Variants in SERPINA1 observed in about 807,000 individuals in gnomAD.
SERPINA1 encodes serpin family A member 1.
In SERPINA1, 21 loss-of-function variants were observed where a neutral mutation model predicts 25.4. That is an observed-to-expected ratio of 0.83 (90% confidence interval 0.59 to 1.19). SERPINA1 has a LOEUF of 1.19. SERPINA1 is among the 50% of genes most tolerant of loss of function. The pLI is 0.00. For missense variants in SERPINA1, 546 were observed against 509.0 expected (o/e 1.07, Z -0.70); for synonymous variants, 218 against 211.1 (o/e 1.03, Z -0.29).
chr14:94,388,280 C>T (rs185367141), intron 1 of SERPINA1, among the ~76,000 whole-genome samples: 1 of 152,296 alleles, frequency 6.6e-6, no homozygotes, highest in African/African-American at 2.4e-5. Context: ...GCCAGGACTG[C>T]AGACCTAGAC....
In SERPINA1 at chr14:94,382,836, G is replaced by T. The variant is rs1897032865; in HGVS notation, c.402C>A (p.Leu134=). 1 of 1,614,020 alleles carries T rather than the reference G, an allele frequency of 6.2e-7. No homozygotes were observed. The highest frequency in any genetic ancestry group is 1.1e-5 in the South Asian group (1 of 91,088). Residue 134 remains leucine, a synonymous_variant, in exon 2 of 5, where the codon CTC becomes CTA. Coordinates refer to ENST00000393087, the MANE Select transcript of SERPINA1 (RefSeq NM_000295.5). ...ACAGGCCATTGCCGGTGGTCAGCTG[G>T]AGCTGGCTGTCTGGCTGGTTGAGGG... is the stretch of plus-strand genomic sequence containing the variant. ...LRTLNQPDSQ[L]QLTTGNGLFL...
Position 94,383,091 on chromosome 14 carries a change from C to T in SERPINA1, c.147G>A (p.Lys49=). Residue 49 remains lysine (K), a synonymous_variant, in exon 2 of 5, where the codon AAG becomes AAA. Transcript: ENST00000393087. ...CGAACTCAGCCAGGTTGGGGGTGATCTTGTTGAAGGTTGGGTGATCCTGAT... is the reference window on the plus strand; with the variant it reads ...CGAACTCAGCCAGGTTGGGGGTGATTTTGTTGAAGGTTGGGTGATCCTGAT... ...HHDQDHPTFN[K]ITPNLAEFAF... The T allele has an allele frequency of 6.2e-7, 1 of 1,614,216 alleles. No individual in the cohort carries two copies. Among genetic ancestry groups the T allele is most frequent in the Non-Finnish European group, 8.5e-7 (1 of 1,180,036 alleles).
At chr14:94,388,137 A>G (rs1897405505) in intron 1 of SERPINA1, among the ~76,000 whole-genome samples, 1 of 152,122 alleles carries the variant, frequency 6.6e-6, no homozygotes, top group Non-Finnish European at 1.5e-5. Context: ...CCCAAGCAGT[A>G]GGAGAGGTGG....
At position 94,378,030 on chromosome 14, in the gene SERPINA1, G is replaced by A; in HGVS notation, c.*419C>T. 4.7e-6 allele frequency: 1 copy of A among 211,194 alleles called. No individual in the cohort carries two copies. Among genetic ancestry groups the A allele is most frequent in the Admixed American group, 5.3e-5 (1 of 18,938 alleles). 13.1% of individuals were successfully genotyped at this position (211,194 alleles called of 1,614,324 possible). On this transcript the variant is annotated 3_prime_UTR_variant, in exon 5 of 5. Transcript: ENST00000393087. Reference sequence around the variant, plus strand: ...CCTGGCAGGATGAGCAACTCTGGGTGGGGGGGAGTGGGGGATGAGCAGGGG... The same window carrying A: ...CCTGGCAGGATGAGCAACTCTGGGTAGGGGGGAGTGGGGGATGAGCAGGGG...
At chr14:94,382,351 T>G (rs762022370) in intron 2 of SERPINA1, among the ~76,000 whole-genome samples, 6 of 152,232 alleles carry the variant, frequency 3.9e-5, no homozygotes, top group Non-Finnish European at 7.3e-5. Flanking sequence ...ACAAGGACAT[T>G]AAAGGCTCTG....
chr14:94,388,379 C>A (rs1897432774), intron 1 of SERPINA1, among the ~76,000 whole-genome samples, 181 bp downstream of exon 1: 1 of 152,104 alleles, frequency 6.6e-6, no homozygotes, highest in Non-Finnish European at 1.5e-5. Flanking sequence ...CAGGACACAA[C>A]CCTCATGGCT....
chr14:94,383,155 TG>T lies in SERPINA1; in HGVS notation c.82del (p.Gln28ArgfsTer52). On this transcript the variant is annotated frameshift_variant, in exon 2 of 5. Coordinates refer to ENST00000393087, the MANE Select transcript of SERPINA1 (RefSeq NM_000295.5). LOFTEE classifies it high-confidence loss of function. ...LVPVSLAEDP[Q>X]GDAAQKTDTS... ...ATCTGTCTTCTGGGCAGCATCTCCCTGGGGATCCTCAGCCAGGGAGACAGGG... is the reference window on the plus strand; with the variant it reads ...ATCTGTCTTCTGGGCAGCATCTCCCTGGGATCCTCAGCCAGGGAGACAGGG... The T allele has an allele frequency of 1.9e-6, 3 of 1,614,208 alleles. No homozygotes were observed. The highest frequency in any genetic ancestry group is 1.6e-4 in the Middle Eastern group (1 of 6,062).
intron 1 of SERPINA1, 125 bp from the exon 2 acceptor site, chr14:94,383,366 C>G (rs561847412): frequency 6.2e-6 from 6 of 964,350 alleles, no homozygotes; most frequent in Non-Finnish European, 9.4e-6. Context: ...AAGTACTTGC[C>G]GACATCAGTA....
At chr14:94,379,336 C>A (rs560933385) in intron 4 of SERPINA1, 128 bp downstream of exon 4, 13 of 1,372,476 alleles carry the variant, frequency 9.5e-6, no homozygotes, top group Non-Finnish European at 1.3e-5. Context: ...CGGGCATCTT[C>A]AGGAGCTCAG....
At chr14:94,384,336 T>C (rs1454551468) in intron 1 of SERPINA1, among the ~76,000 whole-genome samples, 2 of 152,110 alleles carry the variant, frequency 1.3e-5, no homozygotes, top group Admixed American at 1.3e-4. Flanking sequence ...AAACCTTACA[T>C]CAAAAGGATC....
At position 94,379,457 on chromosome 14, in the gene SERPINA1, A is replaced by T; in HGVS notation, c.1065+7T>A. ...AGGGTGCAACAAGGTCGTCAGGGTG[A>T]TCTCACCTTGGAGAGCTTCAGGGGT... On this transcript the variant is annotated splice_region_variant and intron_variant, in intron 4 of 4. Coordinates refer to ENST00000393087, the MANE Select transcript of SERPINA1 (RefSeq NM_000295.5). The T allele has an allele frequency of 6.2e-7, 1 of 1,614,068 alleles. No individual in the cohort carries two copies. Among genetic ancestry groups the T allele is most frequent in the South Asian group, 1.1e-5 (1 of 91,076 alleles).
At chr14:94,381,978 C>T (rs778792472) in intron 2 of SERPINA1, among the ~76,000 whole-genome samples, 3 of 152,202 alleles carry the variant, frequency 2.0e-5, no homozygotes, top group Non-Finnish European at 2.9e-5. Flanking sequence ...GGCATTTTAA[C>T]CCCTCAGGGG....
In SERPINA1 at chr14:94,378,208, C is replaced by A. The variant is rs111978668; in HGVS notation, c.*241G>T. ...TCCGTAAGCTGAGGATTCAGTCCCCCCTGGATTCAAGCCCAGCATGTGCCT... is the reference window on the plus strand; with the variant it reads ...TCCGTAAGCTGAGGATTCAGTCCCCACTGGATTCAAGCCCAGCATGTGCCT... On this transcript the variant is annotated 3_prime_UTR_variant, in exon 5 of 5. Transcript: ENST00000393087. 5.1e-6 allele frequency: 3 copies of A among 586,634 alleles called. No homozygotes were observed. Among genetic ancestry groups the A allele is most frequent in the Non-Finnish European group, 9.1e-6 (3 of 330,236 alleles). The allele number at this position is 586,634 out of a possible 1,614,324, so 36.3% of individuals were successfully genotyped here. A position where few individuals can be genotyped will look rare whatever the true frequency, so the allele number is the denominator to read the frequency against.
chr14:94,388,745 C>T (rs180723265), upstream of SERPINA1: 14 of 152,400 alleles, frequency 9.2e-5, no homozygotes, highest in Non-Finnish European at 1.8e-4. Flanking sequence ...CTGAGTCGCC[C>T]GCCTACGCTG....
chr14:94,378,729 T>G, intron 4 of SERPINA1, 89 bp from the exon 5 acceptor site: 1 of 1,437,586 alleles, frequency 7.0e-7, no homozygotes, highest in South Asian at 1.2e-5. Context: ...AAGCGCTCAC[T>G]CCCCCTGGAC....
intron 1 of SERPINA1, among the ~76,000 whole-genome samples, chr14:94,386,548 A>G (rs935693912): frequency 6.6e-6 from 1 of 152,148 alleles, no homozygotes; most frequent in African/African-American, 2.4e-5. Context: ...TACAATGGAG[A>G]AAAGAATCCT....
chr14:94,387,425 C>T (rs1897354478), intron 1 of SERPINA1, among the ~76,000 whole-genome samples: 1 of 152,230 alleles, frequency 6.6e-6, no homozygotes, highest in Non-Finnish European at 1.5e-5. Context: ...AGGAAACTGG[C>T]CACCTTGGCC....
intron 4 of SERPINA1, 83 bp from the exon 5 acceptor site, chr14:94,378,723 GCT>G: frequency 7.2e-7 from 1 of 1,397,050 alleles, no homozygotes; most frequent in Non-Finnish European, 9.7e-7. Flanking sequence ...CCCAGGAAGC[GCT>G]CACTCCCCCT....
At position 94,379,284 on chromosome 14, in the gene SERPINA1, G is replaced by A. The variant is rs145944908; in HGVS notation, c.1065+180C>T. 2.9e-5 allele frequency: 25 copies of A among 872,624 alleles called. No individual in the cohort carries two copies. The African/African-American group carries it at 3.6e-4, about 13-fold the overall frequency. The allele number at this position is 872,624 out of a possible 1,614,324, so 54.1% of individuals were successfully genotyped here. A position where few individuals can be genotyped will look rare whatever the true frequency, so the allele number is the denominator to read the frequency against. On this transcript the variant is annotated intron_variant, in intron 4 of 4. Transcript: ENST00000393087. ...AGTGCCAGCTGCACAGCAGTCCCCTGCCTGGCTTTGCTGTTTGACCACGTC... is the reference window on the plus strand; with the variant it reads ...AGTGCCAGCTGCACAGCAGTCCCCTACCTGGCTTTGCTGTTTGACCACGTC...
Sources: allele counts gnomAD v4.1 joint callset (sites outside exome capture counted in the v4.1 genomes callset), GRCh38; gene constraint gnomAD v4.1.1; transcripts MANE v1.5; gene names NCBI Gene and HGNC (gene_info 2026-07-23, HGNC 2026-07-21).